The following ARMC8 variants were observed in gnomAD, a reference collection of about 807,000 sequenced individuals.
ARMC8 encodes armadillo repeat-containing protein 8.
ARMC8 carries 20 observed loss-of-function variants against 99.3 expected under a neutral mutation model. The ratio of observed to expected loss-of-function variants is 0.20; its 90% CI spans 0.14 to 0.29. The LOEUF (loss-of-function observed/expected upper bound fraction) is 0.29, where lower values mean the gene tolerates loss of function less well. ARMC8 is among the 10% of genes least tolerant of loss of function. The pLI, the probability that ARMC8 is intolerant of heterozygous loss-of-function variation, is 1.00. For synonymous variants in ARMC8, 263 were observed against 278.3 expected, an observed-to-expected ratio of 0.95 and a Z score of 0.55; for missense variants, 569 against 809.5, an observed-to-expected ratio of 0.70 and a Z score of 3.60.
chr3:138,258,976 G>T (rs536417908), intron 12 of ARMC8, among the ~76,000 whole-genome samples: 32 of 152,106 alleles, frequency 2.1e-4, no homozygotes, highest in Non-Finnish European at 4.1e-4. Flanking sequence ...TATGCCACAG[G>T]GCATATTTGC....
At chr3:138,228,024 A>G (rs922275248) in intron 5 of ARMC8, among the ~76,000 whole-genome samples, 1 of 152,116 alleles carries the variant, frequency 6.6e-6, no homozygotes, top group African/African-American at 2.4e-5. Context: ...CTTGTCTGTC[A>G]TCCAGGCTGG....
chr3:138,273,460 A>G lies in ARMC8; in HGVS notation c.1629+344A>G, dbSNP rs533380807. Among the ~76,000 whole-genome samples the G allele has an allele frequency of 3.9e-5, 6 of 152,240 alleles. No individual in the cohort carries two copies. In the East Asian group the frequency reaches 9.7e-4, roughly 24 times the overall value. On this transcript the variant is annotated intron_variant, in intron 17 of 21. Transcript: ENST00000469044. ...ATTTTCTCATCTGCCTAAATCACTT[A>G]TCTCTGGGGCCTCTGCTTCTTTCCC...
chr3:138,197,787 C>T (rs1402942786), intron 1 of ARMC8, among the ~76,000 whole-genome samples: 1 of 152,150 alleles, frequency 6.6e-6, no homozygotes, highest in Non-Finnish European at 1.5e-5. Flanking sequence ...CTTTTATTGA[C>T]CCTCCGTTTA....
intron 12 of ARMC8, chr3:138,245,646 G>A: frequency 1.0e-6 from 1 of 995,452 alleles, no homozygotes; most frequent in Non-Finnish European, 1.2e-6. Context: ...TTGCTACTGT[G>A]CAAGTTTAAT....
At chr3:138,252,698 C>T (rs906452346) in intron 12 of ARMC8, among the ~76,000 whole-genome samples, 1 of 147,944 alleles carries the variant, frequency 6.8e-6, no homozygotes, top group Admixed American at 6.7e-5. Flanking sequence ...TTGTGATCCA[C>T]CCGCCTCGGC....
At position 138,193,870 on chromosome 3, in the gene ARMC8, C is replaced by T. The variant is rs374633879; in HGVS notation, c.45+6271C>T. ...TGGACTTTACCAAAATGAAAACTTA[C>T]GCTCTGTGAAAGACCCTGTTAAAAG... On this transcript the variant is annotated intron_variant, in intron 1 of 21. Coordinates refer to ENST00000469044, the MANE Select transcript of ARMC8 (RefSeq NM_001363941.2). 7.9e-5 allele frequency among the ~76,000 whole-genome samples: 12 copies of T among 152,280 alleles called. No homozygotes were observed. The South Asian group carries it at 2.1e-3, about 26-fold the overall frequency.
At chr3:138,276,473 A>G (rs1332731489) in intron 18 of ARMC8, among the ~76,000 whole-genome samples, 1 of 152,234 alleles carries the variant, frequency 6.6e-6, no homozygotes, top group Non-Finnish European at 1.5e-5. Flanking sequence ...AAGCACAAGA[A>G]GGCAAGAAAA....
At chr3:138,254,417 G>C (rs146231664) in intron 12 of ARMC8, among the ~76,000 whole-genome samples, 1 of 152,300 alleles carries the variant, frequency 6.6e-6, no homozygotes, top group East Asian at 1.9e-4. Flanking sequence ...GTGCATGCCT[G>C]TGTATATAGA....
rs769267191 is a variant in ARMC8, at chr3:138,282,491, C to T, written c.1726-1940C>T. ...TGAAATCCCGTCTCTACTAAAAATA[C>T]AAAAATTAGCTGGGCGTGTGGCACA... On this transcript the variant is annotated intron_variant, in intron 18 of 21. Coordinates refer to ENST00000469044, the MANE Select transcript of ARMC8 (RefSeq NM_001363941.2). Among the ~76,000 whole-genome samples the T allele has an allele frequency of 2.0e-5, 3 of 151,948 alleles. No homozygotes were observed. The East Asian group carries it at 5.8e-4, about 29-fold the overall frequency.
chr3:138,274,332 G>T, intron 17 of ARMC8, 117 bp from the exon 18 acceptor site: 1 of 662,702 alleles, frequency 1.5e-6, no homozygotes, highest in Non-Finnish European at 2.6e-6. Flanking sequence ...AGTTCTATAT[G>T]CTATAGTGTT....
intron 19 of ARMC8, among the ~76,000 whole-genome samples, chr3:138,286,028 TC>T (rs2050374085): frequency 6.6e-6 from 1 of 152,112 alleles, no homozygotes; most frequent in Non-Finnish European, 1.5e-5. Context: ...CACCACAACT[TC>T]CACCTGTAGG....
intron 12 of ARMC8, chr3:138,262,473 T>C (rs2047838571): frequency 1.3e-6 from 2 of 1,549,084 alleles, no homozygotes; most frequent in Admixed American, 2.0e-5. Context: ...TCTTCTTGTT[T>C]GGCTGAAACA....
intron 18 of ARMC8, among the ~76,000 whole-genome samples, chr3:138,282,430 G>T (rs1421789999): frequency 6.6e-6 from 1 of 152,098 alleles, no homozygotes; most frequent in East Asian, 1.9e-4. Flanking sequence ...GGTGGATCAT[G>T]AGGTCAGGAG....
At chr3:138,241,473 A>T (rs1386347358) in intron 10 of ARMC8, among the ~76,000 whole-genome samples, 1 of 152,286 alleles carries the variant, frequency 6.6e-6, no homozygotes, top group South Asian at 2.1e-4. Flanking sequence ...TTTGTTAGGG[A>T]TTCTTAAATG....
intron 21 of ARMC8, among the ~76,000 whole-genome samples, chr3:138,292,060 G>A (rs1303861072): frequency 6.6e-6 from 1 of 151,592 alleles, no homozygotes; most frequent in East Asian, 1.9e-4. Flanking sequence ...CTTTCGAGAT[G>A]GAGTTTCACT....
chr3:138,274,380 T>G, intron 17 of ARMC8, 69 bp from the exon 18 acceptor site: 1 of 1,038,636 alleles, frequency 9.6e-7, no homozygotes, highest in Non-Finnish European at 1.5e-6. Flanking sequence ...GTTTTAACTT[T>G]TAGAAGCCTT....
At chr3:138,240,823 A>C (rs1328794610) in intron 10 of ARMC8, among the ~76,000 whole-genome samples, 2 of 152,202 alleles carry the variant, frequency 1.3e-5, no homozygotes, top group Admixed American at 1.3e-4. Flanking sequence ...TGGATCCGTC[A>C]GGCTTAGAAA....
chr3:138,284,581 T>C, intron 19 of ARMC8, 55 bp downstream of exon 19: 4 of 1,292,738 alleles, frequency 3.1e-6, no homozygotes, highest in Non-Finnish European at 4.5e-6. Context: ...TGTTGCATTT[T>C]TAACTCAAAA....
chr3:138,263,594 A>G (rs1010969136), intron 12 of ARMC8, 145 bp from the exon 13 acceptor site: 7 of 723,300 alleles, frequency 9.7e-6, no homozygotes, highest in South Asian at 6.5e-5. Context: ...GCCCGCCCCC[A>G]GCGCAAGATG....
Sources: gnomAD v4.1 joint callset for allele counts (sites outside exome capture counted in the v4.1 genomes callset) on GRCh38, gnomAD v4.1.1 for gene constraint, MANE v1.5 for transcripts, NCBI Gene and HGNC (gene_info 2026-07-23, HGNC 2026-07-21) for gene names.